XDH: variants seen among roughly 807,000 people sequenced by gnomAD.
XDH encodes the protein xanthine dehydrogenase/oxidase.
In XDH, 138 loss-of-function variants were observed where a neutral mutation model predicts 156.1. The ratio of observed to expected loss-of-function variants is 0.88; its 90% CI spans 0.77 to 1.02. XDH has a LOEUF of 1.02. Ranked by LOEUF, XDH falls within the 50% of genes least tolerant of loss-of-function variation. XDH has a pLI of 0.00. For missense variants in XDH, 1,849 were observed against 1,684.9 expected, an observed-to-expected ratio of 1.10 and a Z score of -1.71; for synonymous variants, 669 against 625.7, an observed-to-expected ratio of 1.07 and a Z score of -1.03.
At chr2:31,371,784 A>C (rs1389738297) in intron 17 of XDH, among the ~76,000 whole-genome samples, 4 of 152,324 alleles carry the variant, frequency 2.6e-5, no homozygotes, top group Middle Eastern at 3.4e-3. Context: ...GCAGCAGCAG[A>C]GAAAAGACCA....
intron 14 of XDH, 134 bp from the exon 15 acceptor site, chr2:31,375,688 G>A: frequency 1.1e-6 from 1 of 919,270 alleles, no homozygotes; most frequent in Non-Finnish European, 1.7e-6. Flanking sequence ...AGAGTTGGGT[G>A]ACTTTAGGCA....
intron 11 of XDH, 45 bp from the exon 12 acceptor site, chr2:31,381,771 C>T (rs1457289019): frequency 1.3e-6 from 2 of 1,558,076 alleles, no homozygotes; most frequent in African/African-American, 1.4e-5. Context: ...CCCCAGGAAA[C>T]CCCTGCTCAC....
In XDH at chr2:31,403,080, G is replaced by A; in HGVS notation, c.165C>T (p.Leu55=). 6 of 1,614,140 alleles carry A rather than the reference G, an allele frequency of 3.7e-6. No homozygotes were observed. The highest frequency in any genetic ancestry group is 5.1e-6 in the Non-Finnish European group (6 of 1,180,012). Residue 55 remains leucine (L), a synonymous_variant, in exon 3 of 36, where the codon CTC becomes CTT. Coordinates refer to ENST00000379416, the MANE Select transcript of XDH (RefSeq NM_000379.4). ...TGTTCTGCAGACGATCATACTTGGA[G>A]AGCATCACTGTGCAAGCCCCGCAGC... ...EGGCGACTVM[L]SKYDRLQNKI...
At chr2:31,377,844 G>A (rs1438685253) in intron 13 of XDH, among the ~76,000 whole-genome samples, 1 of 148,628 alleles carries the variant, frequency 6.7e-6, no homozygotes, top group Non-Finnish European at 1.5e-5. Context: ...ACATAGTGAG[G>A]CCCTATCTCT....
At chr2:31,355,124 G>C (rs537446596) in intron 24 of XDH, among the ~76,000 whole-genome samples, 41 of 152,192 alleles carry the variant, frequency 2.7e-4, no homozygotes, top group Admixed American at 2.3e-3. Context: ...AGAACGAAGT[G>C]GCAGTTTTTC....
At chr2:31,405,770 G>A (rs1687175733) in intron 2 of XDH, 137 bp downstream of exon 2, 4 of 890,298 alleles carry the variant, frequency 4.5e-6, no homozygotes, top group East Asian at 2.5e-5. Context: ...AAATGCAAGT[G>A]TCCCAAGTCC....
chr2:31,378,824 G>A (rs1686350982), intron 13 of XDH, among the ~76,000 whole-genome samples: 1 of 150,666 alleles, frequency 6.6e-6, no homozygotes, highest in Admixed American at 6.6e-5. Flanking sequence ...AGCTACACCT[G>A]TTTCCTCCCC....
chr2:31,345,596 A>G (rs536204548), intron 30 of XDH, among the ~76,000 whole-genome samples: 1 of 152,300 alleles, frequency 6.6e-6, no homozygotes, highest in Admixed American at 6.5e-5. Context: ...TACTATTATT[A>G]GCCTCATTTT....
At chr2:31,386,134 C>T (rs1029531131) in intron 9 of XDH, among the ~76,000 whole-genome samples, 2 of 152,074 alleles carry the variant, frequency 1.3e-5, no homozygotes, top group African/African-American at 4.8e-5. Context: ...TGTTAGTATC[C>T]CCATATAAAA....
intron 10 of XDH, among the ~76,000 whole-genome samples, chr2:31,383,463 C>G (rs1406449175): frequency 3.3e-5 from 5 of 152,200 alleles, no homozygotes; most frequent in Admixed American, 1.3e-4. Flanking sequence ...TTTTTAAAAG[C>G]ACTCAGGCAC....
chr2:31,388,172 C>T (rs1342048845), intron 7 of XDH, 55 bp downstream of exon 7: 10 of 1,591,796 alleles, frequency 6.3e-6, no homozygotes, highest in Admixed American at 1.7e-5. Flanking sequence ...CGTGCACTGA[C>T]TCCTCTAAGT....
chr2:31,379,692 T>C (rs1390166197), intron 13 of XDH, among the ~76,000 whole-genome samples, 175 bp downstream of exon 13: 1 of 152,152 alleles, frequency 6.6e-6, no homozygotes, highest in Non-Finnish European at 1.5e-5. Context: ...AACTTCTCAT[T>C]GTCCAGAAAG....
At chr2:31,404,995 G>C (rs1687157240) in intron 2 of XDH, among the ~76,000 whole-genome samples, 1 of 152,210 alleles carries the variant, frequency 6.6e-6, no homozygotes, top group African/African-American at 2.4e-5. Flanking sequence ...ACAGAGGTCA[G>C]GATGAGCACA....
rs768228703 is a variant in XDH, at chr2:31,366,012, G to A, written c.2420C>T (p.Thr807Ile). 8 of 1,614,206 alleles carry A rather than the reference G, an allele frequency of 5.0e-6. No individual in the cohort carries two copies. Among genetic ancestry groups the A allele is most frequent in the Non-Finnish European group, 6.8e-6 (8 of 1,180,038 alleles). The part of the protein sequence containing the change: ...GGFGGKETRS[T>I]VVSTAVALAA... ...CAGGGCCACTGCCGTGGACACCACAGTGCTCCGGGTCTCCTTGCCTCCAAA... is the reference window on the plus strand; with the variant it reads ...CAGGGCCACTGCCGTGGACACCACAATGCTCCGGGTCTCCTTGCCTCCAAA... Residue 807 changes from threonine (T) to isoleucine (I), a missense_variant, in exon 22 of 36, where the codon ACT (threonine) becomes ATT (isoleucine). Transcript: ENST00000379416.
chr2:31,339,484 G>A lies in XDH; in HGVS notation c.3774+5C>T. ...AGAGACAGCACAGAGCCAGAGCAAT[G>A]GTACCTTCGATGCATAGATGGCCTT... On this transcript the variant is annotated splice_donor_5th_base_variant and intron_variant, in intron 34 of 35. Coordinates refer to ENST00000379416, the MANE Select transcript of XDH (RefSeq NM_000379.4). The A allele has an allele frequency of 6.2e-7, 1 of 1,613,932 alleles. No homozygotes were observed. The highest frequency in any genetic ancestry group is 8.5e-7 in the Non-Finnish European group (1 of 1,180,032).
intron 24 of XDH, among the ~76,000 whole-genome samples, chr2:31,354,111 C>T (rs779706058): frequency 3.2e-4 from 48 of 152,108 alleles, no homozygotes; most frequent in African/African-American, 4.1e-4. Flanking sequence ...ATGGACAACA[C>T]GTGGAATGTA....
At chr2:31,361,034 T>G (rs1262180464) in intron 24 of XDH, among the ~76,000 whole-genome samples, 14 of 152,240 alleles carry the variant, frequency 9.2e-5, no homozygotes, top group Admixed American at 9.2e-4. Context: ...TTCAGAGGTA[T>G]AGTTTTGTTT....
At chr2:31,377,717 T>C (rs1572545125) in intron 13 of XDH, among the ~76,000 whole-genome samples, 1 of 152,214 alleles carries the variant, frequency 6.6e-6, no homozygotes, top group East Asian at 1.9e-4. Flanking sequence ...CACCAGTCTG[T>C]TGGCATCGTT....
At chr2:31,377,908 C>CTACTTGG (rs763338704) in intron 13 of XDH, among the ~76,000 whole-genome samples, 8 of 150,852 alleles carry the variant, frequency 5.3e-5, no homozygotes, top group Admixed American at 2.0e-4. Context: ...GTGGTCTCGG[C>CTACTTGG]TACTTGGGAG....
Sources: gnomAD v4.1 joint callset for allele counts (sites outside exome capture counted in the v4.1 genomes callset) on GRCh38, gnomAD v4.1.1 for gene constraint, MANE v1.5 for transcripts, NCBI Gene and HGNC (gene_info 2026-07-23, HGNC 2026-07-21) for gene names.